The following FKBP1B variants were observed in gnomAD, a reference collection of about 807,000 sequenced individuals.
FKBP1B encodes FKBP prolyl isomerase 1B.
In FKBP1B, 4 loss-of-function variants were observed where a neutral mutation model predicts 13.5. That is an observed-to-expected ratio of 0.30 (90% confidence interval 0.15 to 0.68). The LOEUF (loss-of-function observed/expected upper bound fraction) is 0.68, where lower values mean the gene tolerates loss of function less well. FKBP1B is among the 30% of genes least tolerant of loss of function. The pLI, the probability that FKBP1B is intolerant of heterozygous loss-of-function variation, is 0.76. For synonymous variants in FKBP1B, 54 were observed against 53.6 expected (o/e 1.01, Z -0.03); for missense variants, 93 against 136.2 (o/e 0.68, Z 1.58).
the FKBP1B span, among the ~76,000 whole-genome samples, chr2:24,036,575 C>T: frequency 6.6e-6 from 1 of 152,182 alleles, no homozygotes; most frequent in Admixed American, 6.5e-5. Context: ...TGCATTTCTA[C>T]TTCTGGGAAC....
intron 1 of FKBP1B, among the ~76,000 whole-genome samples, chr2:24,052,307 C>A (rs1178469149): frequency 6.6e-6 from 1 of 152,140 alleles, no homozygotes; most frequent in Non-Finnish European, 1.5e-5. Context: ...GGCTTAAAAC[C>A]CTCCAGTGGT....
At chr2:24,040,314 T>C in the FKBP1B span, among the ~76,000 whole-genome samples, 106 of 152,356 alleles carry the variant, frequency 7.0e-4, no homozygotes, top group African/African-American at 2.3e-3. Context: ...AGAGTCTAGA[T>C]TGAGGCTATG....
Position 24,061,904 on chromosome 2 carries a change from C to T in FKBP1B, c.198+978C>T, listed in dbSNP as rs74352414. Reference sequence around the variant, plus strand: ...GTTTTTTTTTAGAAAGAGTATCACTCTGTCACCAAGGCTGGACTGCAGTGG... The same window carrying T: ...GTTTTTTTTTAGAAAGAGTATCACTTTGTCACCAAGGCTGGACTGCAGTGG... On this transcript the variant is annotated intron_variant, in intron 3 of 3. Coordinates refer to ENST00000380986, the MANE Select transcript of FKBP1B (RefSeq NM_004116.5). 3.5e-3 allele frequency among the ~76,000 whole-genome samples: 531 copies of T among 152,194 alleles called. 2 individuals carry two copies. The highest frequency in any genetic ancestry group is 0.014 in the Middle Eastern group (4 of 294).
In FKBP1B at chr2:24,050,019, C is replaced by A. The variant is rs1663785897; in HGVS notation, c.37+133C>A. 1 of 602,526 alleles carries A rather than the reference C, an allele frequency of 1.7e-6. No individual in the cohort carries two copies. The highest frequency in any genetic ancestry group is 2.5e-6 in the Non-Finnish European group (1 of 406,788). The allele number at this position is 602,526 out of a possible 1,614,324, so 37.3% of individuals were successfully genotyped here. On this transcript the variant is annotated intron_variant, in intron 1 of 3. Coordinates refer to ENST00000380986, the MANE Select transcript of FKBP1B (RefSeq NM_004116.5). This position sits in a 1 kb window ranked among gnomAD's most constrained non-coding sequence, Gnocchi z 5.8. Reference sequence around the variant, plus strand: ...GCTGGATGGGGAAGGCAGGCGGAGACGCCGGACGGGATTCTTGGGGGTCTA... The same window carrying A: ...GCTGGATGGGGAAGGCAGGCGGAGAAGCCGGACGGGATTCTTGGGGGTCTA...
the FKBP1B span, among the ~76,000 whole-genome samples, chr2:24,044,694 G>C: frequency 6.6e-6 from 1 of 151,928 alleles, no homozygotes; most frequent in Non-Finnish European, 1.5e-5. Flanking sequence ...TTCTACTCCT[G>C]TGTTAGCCCA....
intron 1 of FKBP1B, among the ~76,000 whole-genome samples, chr2:24,053,502 G>T (rs1429081539): frequency 6.6e-6 from 1 of 151,908 alleles, no homozygotes; most frequent in East Asian, 1.9e-4. Context: ...TTGTAATCTG[G>T]TATTTGTGTG....
At chr2:24,036,008 G>C in the FKBP1B span, among the ~76,000 whole-genome samples, 1 of 151,170 alleles carries the variant, frequency 6.6e-6, no homozygotes, top group African/African-American at 2.4e-5. Context: ...GTTGGAGGTT[G>C]CAGCGAGCTG....
chr2:24,050,421 G>A lies in FKBP1B; in HGVS notation c.37+535G>A, dbSNP rs994838282. Among the ~76,000 whole-genome samples, 4 of 152,172 alleles carry A rather than the reference G, an allele frequency of 2.6e-5. No individual in the cohort carries two copies. The highest frequency in any genetic ancestry group is 9.6e-5 in the African/African-American group (4 of 41,460). On this transcript the variant is annotated intron_variant, in intron 1 of 3. Coordinates refer to ENST00000380986, the MANE Select transcript of FKBP1B (RefSeq NM_004116.5). The surrounding 1 kb of genome is among the most constrained non-coding windows in gnomAD (Gnocchi z 5.8). ...GGAAGCGCTCCCTTGCCCGCTTCCG[G>A]ATCTCGCTTTATCCTGCCGCCGCTT...
chr2:24,060,037 G>T (rs1664314388), intron 2 of FKBP1B, among the ~76,000 whole-genome samples: 1 of 151,998 alleles, frequency 6.6e-6, no homozygotes, highest in Non-Finnish European at 1.5e-5. Context: ...TGAAGTGCCT[G>T]TATGCAAGGT....
chr2:24,044,143 C>A, the FKBP1B span, among the ~76,000 whole-genome samples: 128 of 152,246 alleles, frequency 8.4e-4, no homozygotes, highest in African/African-American at 3.0e-3. Flanking sequence ...CCAATTACAT[C>A]CAAGTCGATT....
the FKBP1B span, among the ~76,000 whole-genome samples, chr2:24,034,221 G>C: frequency 6.6e-6 from 1 of 152,182 alleles, no homozygotes; most frequent in African/African-American, 2.4e-5. Flanking sequence ...AGGAGTTCGA[G>C]ACCAGCCTGG....
chr2:24,048,260 G>T (rs1340255739), upstream of FKBP1B, among the ~76,000 whole-genome samples: 2 of 151,730 alleles, frequency 1.3e-5, no homozygotes, highest in African/African-American at 4.8e-5. Flanking sequence ...ACCTGAGGTC[G>T]GGAGTTCGAG....
upstream of FKBP1B, chr2:24,049,648 C>G (rs1403700445): frequency 2.6e-6 from 1 of 384,686 alleles, no homozygotes; most frequent in African/African-American, 2.1e-5. Context: ...CCCCGGCCGA[C>G]CCCACCTTTC....
chr2:24,061,671 C>T (rs1259341827), intron 3 of FKBP1B, among the ~76,000 whole-genome samples: 1 of 152,166 alleles, frequency 6.6e-6, no homozygotes, highest in African/African-American at 2.4e-5. Flanking sequence ...ATTATCAAAA[C>T]CAGGACATTC....
Position 24,049,815 on chromosome 2 carries a change from A to C in FKBP1B, c.-35A>C. On this transcript the variant is annotated 5_prime_UTR_variant, in exon 1 of 4. Transcript: ENST00000380986. ...AGCCGAGCCGGGGTCGGGCAGCAGC[A>C]GGGACCCCCCAGAGGCGGGGCCTGT... The C allele has an allele frequency of 7.5e-7, 1 of 1,339,988 alleles. No homozygotes were observed. The highest frequency in any genetic ancestry group is 9.6e-7 in the Non-Finnish European group (1 of 1,044,462). The allele number at this position is 1,339,988 out of a possible 1,614,324, so 83.0% of individuals were successfully genotyped here. A position where few individuals can be genotyped will look rare whatever the true frequency, so the allele number is the denominator to read the frequency against.
upstream of FKBP1B, among the ~76,000 whole-genome samples, chr2:24,045,336 T>TG (rs1220969179): frequency 6.6e-6 from 1 of 152,114 alleles, no homozygotes; most frequent in Non-Finnish European, 1.5e-5. Flanking sequence ...GTGTGGTGCC[T>TG]CATGCCTGTA....
upstream of FKBP1B, among the ~76,000 whole-genome samples, chr2:24,045,452 T>C (rs1478869197): frequency 2.0e-5 from 3 of 151,528 alleles, no homozygotes; most frequent in Non-Finnish European, 4.4e-5. Flanking sequence ...AAATACAATA[T>C]TAGCTGGGCG....
Position 24,050,886 on chromosome 2 carries a change from C to CA in FKBP1B, c.37+1001dup, listed in dbSNP as rs1558341744. 6.6e-6 allele frequency among the ~76,000 whole-genome samples: 1 copy of CA among 152,230 alleles called. No homozygotes were observed. The highest frequency in any genetic ancestry group is 1.5e-5 in the Non-Finnish European group (1 of 68,038). ...CCCCTGGAGTACAGGCTTCTTTGCC[C>CA]ACGCAGGAAACATTGCTGCTGGGTC... is the stretch of plus-strand genomic sequence containing the variant. On this transcript the variant is annotated intron_variant, in intron 1 of 3. Coordinates refer to ENST00000380986, the MANE Select transcript of FKBP1B (RefSeq NM_004116.5). The surrounding 1 kb of genome is among the most constrained non-coding windows in gnomAD (Gnocchi z 5.8).
chr2:24,035,695 G>A, the FKBP1B span, among the ~76,000 whole-genome samples: 2 of 151,320 alleles, frequency 1.3e-5, no homozygotes, highest in African/African-American at 2.4e-5. Flanking sequence ...CAGGAGGACT[G>A]CTTGAGCCCA....
Sources: gnomAD v4.1 joint callset for allele counts (sites outside exome capture counted in the v4.1 genomes callset) on GRCh38, gnomAD v4.1.1 for gene constraint, Gnocchi (gnomAD v3.1) non-coding constraint, MANE v1.5 for transcripts, NCBI Gene and HGNC (gene_info 2026-07-23, HGNC 2026-07-21) for gene names.